Variants in CDK14 observed in about 807,000 individuals in gnomAD.
The protein encoded by CDK14 is cyclin-dependent kinase 14.
Under a neutral mutation model 60.7 loss-of-function variants are expected in CDK14, and 34 were observed. The ratio of observed to expected loss-of-function variants is 0.56; its 90% CI spans 0.43 to 0.75. The LOEUF is 0.75. CDK14 is among the 30% of genes least tolerant of loss of function. CDK14 has a pLI of 0.00. For missense variants in CDK14, 482 were observed against 564.1 expected (o/e 0.85, Z 1.47); for synonymous variants, 197 against 203.7 (o/e 0.97, Z 0.28).
chr7:90,796,347 A>G (rs1057162173), intron 5 of CDK14, among the ~76,000 whole-genome samples: 22 of 152,210 alleles, frequency 1.4e-4, no homozygotes, highest in Non-Finnish European at 2.5e-4. Context: ...ATTAGATGTT[A>G]GTAACAAAAA....
At chr7:91,065,942 T>A (rs1237226145) in intron 11 of CDK14, among the ~76,000 whole-genome samples, 2 of 152,226 alleles carry the variant, frequency 1.3e-5, no homozygotes, top group East Asian at 3.9e-4. Context: ...TAATTGTTCA[T>A]CCTTGTAAGG....
chr7:90,621,303 C>A (rs1328893583), intron 2 of CDK14, among the ~76,000 whole-genome samples: 1 of 152,170 alleles, frequency 6.6e-6, no homozygotes, highest in Non-Finnish European at 1.5e-5. Flanking sequence ...AGGGGAAGCC[C>A]CTTTGTCTCT....
At position 90,726,678 on chromosome 7, in the gene CDK14, A is replaced by G. The variant is rs1802643390; in HGVS notation, c.235A>G (p.Thr79Ala). The change falls in exon 3 of 15, where the codon ACT becomes GCT. Residue 79 changes from threonine (T) to alanine (A), a missense_variant. Thr to Ala is a moderately conservative substitution (Grantham distance 58). Coordinates refer to ENST00000380050, the MANE Select transcript of CDK14 (RefSeq NM_001287135.2). Reference sequence around the variant, plus strand: ...AGTCAGAGTTCAGAGGACACAGAGCACTTTTGACCCATTTGAGAAACCAGC... The same window carrying G: ...AGTCAGAGTTCAGAGGACACAGAGCGCTTTTGACCCATTTGAGAAACCAGC... ...KKVRVQRTQS[T>A]FDPFEKPANQ... The G allele has an allele frequency of 6.2e-7, 1 of 1,613,784 alleles. No homozygotes were observed. Among genetic ancestry groups the G allele is most frequent in the Non-Finnish European group, 8.5e-7 (1 of 1,179,844 alleles).
chr7:90,682,014 A>C (rs1374739928), intron 2 of CDK14, among the ~76,000 whole-genome samples: 1 of 152,152 alleles, frequency 6.6e-6, no homozygotes, highest in Non-Finnish European at 1.5e-5. Flanking sequence ...TTGTCCATTT[A>C]CTAGTGGTAT....
At chr7:91,102,118 C>T (rs1165074074) in intron 12 of CDK14, among the ~76,000 whole-genome samples, 1 of 152,126 alleles carries the variant, frequency 6.6e-6, no homozygotes, top group Non-Finnish European at 1.5e-5. Context: ...GTGGCCAGCA[C>T]CCGCATTGGT....
At chr7:90,605,283 G>C (rs1454333732) in intron 2 of CDK14, among the ~76,000 whole-genome samples, 1 of 152,168 alleles carries the variant, frequency 6.6e-6, no homozygotes, top group East Asian at 1.9e-4. Flanking sequence ...TCATTTGGCT[G>C]TCACGGTCTG....
intron 10 of CDK14, among the ~76,000 whole-genome samples, chr7:90,994,257 C>G (rs1458650293): frequency 6.6e-6 from 1 of 152,174 alleles, no homozygotes; most frequent in Non-Finnish European, 1.5e-5. Flanking sequence ...ATTCCTGTTT[C>G]TTTCTTCAGA....
intron 9 of CDK14, among the ~76,000 whole-genome samples, chr7:90,976,460 G>T (rs1356727935): frequency 6.6e-6 from 1 of 151,904 alleles, no homozygotes; most frequent in Non-Finnish European, 1.5e-5. Flanking sequence ...GGTTCCAGCA[G>T]TCCTCCCACC....
intron 10 of CDK14, among the ~76,000 whole-genome samples, chr7:91,013,364 C>G (rs1483433213): frequency 6.6e-6 from 1 of 152,156 alleles, no homozygotes; most frequent in Non-Finnish European, 1.5e-5. Flanking sequence ...TTGCTTCTGT[C>G]CACTTGCTTC....
rs529775482 is a variant in CDK14, at chr7:91,198,260, G to T, written c.*29-8905G>T. Among the ~76,000 whole-genome samples the T allele has an allele frequency of 4.6e-5, 7 of 152,182 alleles. No individual in the cohort carries two copies. In the South Asian group the frequency reaches 1.0e-3, roughly 23 times the overall value. On this transcript the variant is annotated intron_variant, in intron 14 of 14. Transcript: ENST00000380050. ...GTAAAAGTTGCAGGGCTTTTGTGGTGGGGGGGAAATAAGGTAAAGGGTAGT... is the reference window on the plus strand; with the variant it reads ...GTAAAAGTTGCAGGGCTTTTGTGGTTGGGGGGAAATAAGGTAAAGGGTAGT...
chr7:90,597,413 A>G (rs1383752737), intron 1 of CDK14: 1 of 152,236 alleles, frequency 6.6e-6, no homozygotes, highest in African/African-American at 2.4e-5. Flanking sequence ...TGTTTAGGAC[A>G]GTGACGAATA....
intron 9 of CDK14, among the ~76,000 whole-genome samples, chr7:90,974,376 A>G (rs964823821): frequency 4.6e-5 from 7 of 152,142 alleles, no homozygotes; most frequent in Admixed American, 2.0e-4. Flanking sequence ...TCCTCAGCTT[A>G]TGAAGATTAC....
chr7:90,656,933 A>AAT (rs1476620907), intron 2 of CDK14, among the ~76,000 whole-genome samples: 1 of 152,234 alleles, frequency 6.6e-6, no homozygotes, highest in Non-Finnish European at 1.5e-5. Flanking sequence ...CTTAGGCTAA[A>AAT]ATATGACACA....
chr7:90,959,819 TC>T (rs1794547444), intron 9 of CDK14, among the ~76,000 whole-genome samples: 1 of 152,178 alleles, frequency 6.6e-6, no homozygotes, highest in Non-Finnish European at 1.5e-5. Context: ...ATTTGGGAAC[TC>T]ATCAAGATAG....
intron 7 of CDK14, among the ~76,000 whole-genome samples, chr7:90,904,465 A>G (rs1227809022): frequency 6.6e-6 from 1 of 152,166 alleles, no homozygotes; most frequent in East Asian, 1.9e-4. Flanking sequence ...AATTTAGACA[A>G]CACAAAGGAG....
intron 4 of CDK14, among the ~76,000 whole-genome samples, chr7:90,755,112 G>A (rs1804002775): frequency 1.3e-5 from 2 of 151,958 alleles, no homozygotes; most frequent in South Asian, 2.1e-4. Context: ...CTCATTACTG[G>A]GTATATATCC....
intron 14 of CDK14, among the ~76,000 whole-genome samples, chr7:91,181,344 G>A (rs1801994751): frequency 6.6e-6 from 1 of 151,908 alleles, no homozygotes; most frequent in Non-Finnish European, 1.5e-5. Flanking sequence ...CCTTTAACAT[G>A]TTCCTCTCTC....
chr7:91,023,119 C>T lies in CDK14; in HGVS notation c.1042-22778C>T, dbSNP rs370464609. ...CTTGGTGTTTCTTGATTTCCTCATG[C>T]TACTGAGAATGTCCACCATGATGAT... On this transcript the variant is annotated intron_variant, in intron 10 of 14. Coordinates refer to ENST00000380050, the MANE Select transcript of CDK14 (RefSeq NM_001287135.2). 2.0e-5 allele frequency among the ~76,000 whole-genome samples: 3 copies of T among 152,074 alleles called. No individual in the cohort carries two copies. In the South Asian group the frequency reaches 6.2e-4, roughly 32 times the overall value.
intron 2 of CDK14, among the ~76,000 whole-genome samples, chr7:90,637,660 G>C (rs1431526286): frequency 6.6e-6 from 1 of 151,294 alleles, no homozygotes; most frequent in Non-Finnish European, 1.5e-5. Flanking sequence ...TCCACTTGGT[G>C]CAGAGCTGAG....
Sources: gnomAD v4.1 joint callset for allele counts (sites outside exome capture counted in the v4.1 genomes callset) on GRCh38, gnomAD v4.1.1 for gene constraint, MANE v1.5 for transcripts, NCBI Gene and HGNC (gene_info 2026-07-23, HGNC 2026-07-21) for gene names.